Variants in ATF2 observed in about 807,000 individuals in gnomAD.
ATF2 encodes the protein activating transcription factor 2.
Under a neutral mutation model 60.6 loss-of-function variants are expected in ATF2, and 24 were observed. That is an observed-to-expected ratio of 0.40 (90% CI 0.29 to 0.56). The LOEUF is 0.56. Ranked by LOEUF, ATF2 falls within the 20% of genes least tolerant of loss-of-function variation. ATF2 has a pLI of 0.54. For synonymous variants in ATF2, 206 were observed against 215.4 expected (o/e 0.96, Z 0.38); for missense variants, 433 against 607.7 (o/e 0.71, Z 3.02).
intron 10 of ATF2, 74 bp from the exon 11 acceptor site, chr2:175,097,667 TAGC>T (rs1695024051): frequency 1.1e-5 from 16 of 1,520,300 alleles, no homozygotes; most frequent in Non-Finnish European, 1.4e-5. Flanking sequence ...AGACAAACAA[TAGC>T]ACCTTGGGTA....
intron 2 of ATF2, among the ~76,000 whole-genome samples, chr2:175,149,772 C>T (rs944094952): frequency 6.6e-6 from 1 of 152,174 alleles, no homozygotes; most frequent in African/African-American, 2.4e-5. Flanking sequence ...TCCCCTTAAT[C>T]TCTGGCTCTA....
At chr2:175,078,343 T>C (rs1248186612) in intron 13 of ATF2, among the ~76,000 whole-genome samples, 1 of 152,200 alleles carries the variant, frequency 6.6e-6, no homozygotes, top group East Asian at 1.9e-4. Flanking sequence ...CCATTTATAA[T>C]TATAGAGACA....
intron 13 of ATF2, among the ~76,000 whole-genome samples, chr2:175,079,691 G>T (rs750798887): frequency 1.3e-5 from 2 of 152,098 alleles, no homozygotes; most frequent in Non-Finnish European, 2.9e-5. Flanking sequence ...AGTAAAGATG[G>T]TGGCCATTAA....
At chr2:175,149,038 T>G (rs1699132810) in intron 2 of ATF2, among the ~76,000 whole-genome samples, 2 of 152,206 alleles carry the variant, frequency 1.3e-5, no homozygotes, top group Non-Finnish European at 2.9e-5. Flanking sequence ...TGGCTCCAAA[T>G]AAATCTCTTC....
At chr2:175,097,064 T>C (rs2105607144) in intron 11 of ATF2, among the ~76,000 whole-genome samples, 1 of 152,344 alleles carries the variant, frequency 6.6e-6, no homozygotes, top group Non-Finnish European at 1.5e-5. Context: ...ATTTTTCTGG[T>C]TATATAACTA....
In ATF2 at chr2:175,072,772, GTTAAAAA is replaced by G. The variant is rs1191364949; in HGVS notation, c.*1830_*1836del. The stretch of plus-strand genomic sequence containing the variant: ...TGATTACTTTAAAATAATGAAATTA[GTTAAAAA>G]TTAAAAATTTAAAAAAAATTATCAA... On this transcript the variant is annotated 3_prime_UTR_variant, in exon 14 of 14. Transcript: ENST00000264110. 2 of 151,878 alleles carry G rather than the reference GTTAAAAA, an allele frequency of 1.3e-5. No homozygotes were observed. The highest frequency in any genetic ancestry group is 2.9e-5 in the Non-Finnish European group (2 of 67,970). 9.4% of individuals were successfully genotyped at this position (151,878 alleles called of 1,614,324 possible).
intron 1 of ATF2, among the ~76,000 whole-genome samples, chr2:175,156,476 G>T (rs964385386): frequency 1.3e-5 from 2 of 149,012 alleles, no homozygotes; most frequent in Admixed American, 6.7e-5. Flanking sequence ...CAAGAGCTGA[G>T]AACTTTCTCC....
At chr2:175,125,924 C>T (rs1389335392) in intron 4 of ATF2, among the ~76,000 whole-genome samples, 2 of 152,100 alleles carry the variant, frequency 1.3e-5, no homozygotes, top group East Asian at 3.9e-4. Flanking sequence ...GTGATATTCC[C>T]ACCTTAAAAT....
rs777018630 is a variant in ATF2, at chr2:175,074,796, G to A, written c.1331C>T (p.Pro444Leu). 29 of 1,613,316 alleles carry A rather than the reference G, an allele frequency of 1.8e-5. No homozygotes were observed. The East Asian group carries it at 2.0e-4, about 11-fold the overall frequency. Residue 444 changes from proline (P) to leucine (L), a missense_variant, in exon 14 of 14, where the codon CCG becomes CTG. Pro to Leu is a moderately conservative substitution (Grantham distance 98). Transcript: ENST00000264110. ...KDDSSEDISV[P>L]SSPHTEAIQH... The stretch of plus-strand genomic sequence containing the variant: ...TATAGCTTCTGTATGTGGACTACTC[G>A]GCACTGAAATGTCTTCTGAACTATC...
At chr2:175,142,814 C>T (rs998574932) in intron 2 of ATF2, among the ~76,000 whole-genome samples, 3 of 143,352 alleles carry the variant, frequency 2.1e-5, no homozygotes, top group Non-Finnish European at 3.0e-5. Context: ...GAGAGAGCAA[C>T]AGCGAGCGAG....
chr2:175,094,403 G>GAAAAAAAAAAAAAAAAAAAA (rs61440218), intron 11 of ATF2, among the ~76,000 whole-genome samples: 13 of 61,138 alleles, frequency 2.1e-4, no homozygotes, highest in South Asian at 7.7e-4. Context: ...CAAAAAATAC[G>GAAAAAAAAAAAAAAAAAAAA]AAAAAAAAAA....
intron 5 of ATF2, among the ~76,000 whole-genome samples, chr2:175,119,788 T>C (rs1559085522): frequency 6.6e-6 from 1 of 151,584 alleles, no homozygotes; most frequent in African/African-American, 2.4e-5. Context: ...GGTTTGTCTA[T>C]CTAAGTTCAT....
chr2:175,149,504 T>C (rs1421742120), intron 2 of ATF2, among the ~76,000 whole-genome samples: 3 of 152,152 alleles, frequency 2.0e-5, no homozygotes, highest in Non-Finnish European at 4.4e-5. Flanking sequence ...CAGCACACTA[T>C]GCATAAGAAA....
rs1699318303 is a variant in ATF2, at chr2:175,151,605, C to T, written c.-142-447G>A. On this transcript the variant is annotated intron_variant, in intron 1 of 13. Transcript: ENST00000264110. Reference sequence around the variant, plus strand: ...AAACCCATGGGACCCAGTCTATGTGCTTATTTGGAAAAAGCTTGACTTTTA... The same window carrying T: ...AAACCCATGGGACCCAGTCTATGTGTTTATTTGGAAAAAGCTTGACTTTTA... 2.0e-5 allele frequency among the ~76,000 whole-genome samples: 3 copies of T among 152,118 alleles called. 1 individual carries two copies. The highest frequency in any genetic ancestry group is 7.2e-5 in the African/African-American group (3 of 41,446).
In ATF2 at chr2:175,125,341, T is replaced by C. The variant is rs549801535; in HGVS notation, c.103-3801A>G. ...TTCTCAGCAAGATTTAACAAATGGA[T>C]GAGTAGCCAGGTTATATTTTGATCA... On this transcript the variant is annotated intron_variant, in intron 4 of 13. Transcript: ENST00000264110. Among the ~76,000 whole-genome samples, 41 of 152,134 alleles carry C rather than the reference T, an allele frequency of 2.7e-4. 1 individual carries two copies. The highest frequency in any genetic ancestry group is 9.6e-4 in the African/African-American group (40 of 41,544).
intron 1 of ATF2, among the ~76,000 whole-genome samples, chr2:175,153,161 A>C (rs942001325): frequency 2.6e-5 from 4 of 152,224 alleles, no homozygotes; most frequent in Non-Finnish European, 4.4e-5. Flanking sequence ...GTCTTAACAC[A>C]TGCAATGTTA....
intron 12 of ATF2, among the ~76,000 whole-genome samples, chr2:175,092,249 GA>G (rs1471209549): frequency 6.6e-6 from 1 of 152,154 alleles, no homozygotes; most frequent in Non-Finnish European, 1.5e-5. Flanking sequence ...TGATTATACA[GA>G]AAGATTCACT....
chr2:175,124,619 T>A (rs1697194937), intron 4 of ATF2, among the ~76,000 whole-genome samples: 1 of 151,906 alleles, frequency 6.6e-6, no homozygotes, highest in African/African-American at 2.4e-5. Context: ...GTTTAAGGAC[T>A]ATTGAACAAC....
chr2:175,167,906 G>A (rs1354363219), intron 1 of ATF2, 144 bp downstream of exon 1: 1 of 375,044 alleles, frequency 2.7e-6, no homozygotes, highest in African/African-American at 2.1e-5. Flanking sequence ...ATCGCCCCAA[G>A]GGCTAAGGAG....
Sources: gnomAD v4.1 joint callset for allele counts (sites outside exome capture counted in the v4.1 genomes callset) on GRCh38, gnomAD v4.1.1 for gene constraint, MANE v1.5 for transcripts, NCBI Gene and HGNC (gene_info 2026-07-23, HGNC 2026-07-21) for gene names.